Variants in ADAMTSL1 observed in about 807,000 individuals in gnomAD.
ADAMTSL1 encodes the protein ADAMTS-like protein 1.
ADAMTSL1 carries 126 observed loss-of-function variants against 201.8 expected under a neutral mutation model. The ratio of observed to expected loss-of-function variants is 0.62; its 90% CI spans 0.54 to 0.72. The LOEUF (loss-of-function observed/expected upper bound fraction) is 0.72, where lower values mean the gene tolerates loss of function less well. Ranked by LOEUF, ADAMTSL1 falls within the 30% of genes least tolerant of loss-of-function variation. The pLI is 0.00. For missense variants in ADAMTSL1, 2,679 were observed against 2,277.8 expected, an observed-to-expected ratio of 1.18 and a Z score of -3.59; for synonymous variants, 1,121 against 903.4, an observed-to-expected ratio of 1.24 and a Z score of -4.32.
intron 1 of ADAMTSL1, among the ~76,000 whole-genome samples, chr9:18,031,382 GC>G (rs1283580339): frequency 2.6e-5 from 4 of 151,890 alleles, no homozygotes; most frequent in African/African-American, 7.3e-5. Context: ...TAGTTGATTG[GC>G]TTTTTTTCTG....
At chr9:18,406,522 G>A (rs1157064550) in intron 2 of ADAMTSL1, among the ~76,000 whole-genome samples, 9 of 151,804 alleles carry the variant, frequency 5.9e-5, no homozygotes, top group Admixed American at 5.3e-4. Context: ...GTAGAGACAG[G>A]GTTTCACCAT....
At chr9:18,452,077 C>G (rs1820428144) in intron 2 of ADAMTSL1, among the ~76,000 whole-genome samples, 1 of 152,142 alleles carries the variant, frequency 6.6e-6, no homozygotes. Context: ...CCACGCCTGG[C>G]TAATTTTGTA....
intron 27 of ADAMTSL1, 126 bp downstream of exon 27, chr9:18,906,017 C>A: frequency 1.2e-6 from 1 of 816,770 alleles, no homozygotes; most frequent in Non-Finnish European, 1.9e-6. Context: ...GACTCCATCT[C>A]CATTCACCGC....
intron 2 of ADAMTSL1, among the ~76,000 whole-genome samples, chr9:18,459,899 G>A (rs1422408790): frequency 6.6e-6 from 1 of 152,136 alleles, no homozygotes; most frequent in African/African-American, 2.4e-5. Context: ...GAGAAGAGAA[G>A]GATAAAAGGA....
intron 2 of ADAMTSL1, among the ~76,000 whole-genome samples, chr9:18,334,047 A>T (rs968701825): frequency 1.3e-5 from 2 of 152,306 alleles, no homozygotes; most frequent in Admixed American, 1.3e-4. Context: ...CTTTGATTCA[A>T]ACTCAGATCT....
chr9:18,632,231 T>C (rs985621368), intron 5 of ADAMTSL1, among the ~76,000 whole-genome samples: 1 of 152,206 alleles, frequency 6.6e-6, no homozygotes, highest in Non-Finnish European at 1.5e-5. Flanking sequence ...TCCCAAATCA[T>C]TGAGGATTTA....
At position 18,881,694 on chromosome 9, in the gene ADAMTSL1, G is replaced by C. The variant is rs553601251; in HGVS notation, c.4250-6137G>C. ...ATGCCAGTAGATTTGCTTAGCACAGGGTTGCCACAAACCTTCAATTTGTAA... is the reference window on the plus strand; with the variant it reads ...ATGCCAGTAGATTTGCTTAGCACAGCGTTGCCACAAACCTTCAATTTGTAA... On this transcript the variant is annotated intron_variant, in intron 23 of 28. Coordinates refer to ENST00000380548, the MANE Select transcript of ADAMTSL1 (RefSeq NM_001040272.6). Among the ~76,000 whole-genome samples the C allele has an allele frequency of 8.5e-5, 13 of 152,206 alleles. No individual in the cohort carries two copies. In the South Asian group the frequency reaches 2.7e-3, roughly 32 times the overall value.
Position 18,910,735 on chromosome 9 carries a change from G to A in ADAMTSL1, c.*2187G>A, listed in dbSNP as rs1051833415. The A allele has an allele frequency of 6.6e-6, 1 of 152,218 alleles. No homozygotes were observed. Among genetic ancestry groups the A allele is most frequent in the African/African-American group, 2.4e-5 (1 of 41,448 alleles). The allele number at this position is 152,218 out of a possible 1,614,324, so 9.4% of individuals were successfully genotyped here. On this transcript the variant is annotated 3_prime_UTR_variant, in exon 29 of 29. Coordinates refer to ENST00000380548, the MANE Select transcript of ADAMTSL1 (RefSeq NM_001040272.6). Reference sequence around the variant, plus strand: ...GTTGGGTTGGAGCAGTTGGCAGTGGGTCTCAGTGAGCTGGCAGAACCTAGG... The same window carrying A: ...GTTGGGTTGGAGCAGTTGGCAGTGGATCTCAGTGAGCTGGCAGAACCTAGG...
chr9:18,635,851 A>T lies in ADAMTSL1; in HGVS notation c.602-92A>T, dbSNP rs560423451. The T allele has an allele frequency of 3.9e-6, 4 of 1,025,508 alleles. No homozygotes were observed. In the South Asian group the frequency reaches 4.5e-5, roughly 12 times the overall value. The allele number at this position is 1,025,508 out of a possible 1,614,324, so 63.5% of individuals were successfully genotyped here. On this transcript the variant is annotated intron_variant, in intron 5 of 28. Transcript: ENST00000380548. ...AACACTTAAAAAAACTGTAGTTTTT[A>T]AGGTATGGAAGTCAGTGCCTTTATT...
At chr9:17,952,297 C>G (rs925419376) in intron 1 of ADAMTSL1, among the ~76,000 whole-genome samples, 2 of 151,978 alleles carry the variant, frequency 1.3e-5, no homozygotes, top group Non-Finnish European at 2.9e-5. Context: ...TATTTATGAA[C>G]AAATTCCTAC....
intron 1 of ADAMTSL1, among the ~76,000 whole-genome samples, chr9:17,945,815 G>A (rs1227475098): frequency 8.9e-6 from 1 of 112,374 alleles, no homozygotes; most frequent in Admixed American, 1.2e-4. Context: ...GGGGACTGTT[G>A]TGGGGTGGGG....
intron 2 of ADAMTSL1, among the ~76,000 whole-genome samples, chr9:18,317,692 C>T (rs1192884672): frequency 6.6e-6 from 1 of 152,230 alleles, no homozygotes; most frequent in African/African-American, 2.4e-5. Context: ...ACCCAGCCTG[C>T]TCACCCCGAG....
intron 1 of ADAMTSL1, among the ~76,000 whole-genome samples, chr9:17,921,729 G>T (rs978142196): frequency 1.3e-5 from 2 of 152,010 alleles, no homozygotes; most frequent in African/African-American, 4.8e-5. Flanking sequence ...GTCTAGTTCT[G>T]GATTTAGTGA....
At chr9:18,577,582 C>A (rs1359239369) in intron 4 of ADAMTSL1, among the ~76,000 whole-genome samples, 1 of 152,100 alleles carries the variant, frequency 6.6e-6, no homozygotes, top group Non-Finnish European at 1.5e-5. Flanking sequence ...CTCCATTTTT[C>A]AATCTGTGGA....
chr9:18,251,525 TC>T (rs1477908546), intron 2 of ADAMTSL1, among the ~76,000 whole-genome samples: 1 of 152,216 alleles, frequency 6.6e-6, no homozygotes, highest in Non-Finnish European at 1.5e-5. Flanking sequence ...TAAATGCTTA[TC>T]CTTTAAAGTT....
At chr9:18,332,468 A>G (rs1275690181) in intron 2 of ADAMTSL1, among the ~76,000 whole-genome samples, 1 of 150,810 alleles carries the variant, frequency 6.6e-6, no homozygotes, top group Non-Finnish European at 1.5e-5. Flanking sequence ...TCCTTTTTTT[A>G]GAGACAAAAT....
chr9:18,069,827 T>C (rs1465307535), intron 1 of ADAMTSL1, among the ~76,000 whole-genome samples: 1 of 152,134 alleles, frequency 6.6e-6, no homozygotes. Flanking sequence ...GGTAATGGCA[T>C]TGGTGGTGCA....
At chr9:18,426,832 A>G (rs1371637993) in intron 2 of ADAMTSL1, among the ~76,000 whole-genome samples, 2 of 152,214 alleles carry the variant, frequency 1.3e-5, no homozygotes, top group Non-Finnish European at 2.9e-5. Flanking sequence ...ATCTGAAACG[A>G]ACAACCTTAT....
At chr9:18,396,789 C>T (rs1563933145) in intron 2 of ADAMTSL1, among the ~76,000 whole-genome samples, 2 of 152,000 alleles carry the variant, frequency 1.3e-5, no homozygotes, top group African/African-American at 4.8e-5. Context: ...TTTTAAATTA[C>T]AAGCATAAAA....
Sources: allele counts gnomAD v4.1 joint callset (sites outside exome capture counted in the v4.1 genomes callset), GRCh38; gene constraint gnomAD v4.1.1; transcripts MANE v1.5; gene names NCBI Gene and HGNC (gene_info 2026-07-23, HGNC 2026-07-21).